Variants in PRSS21 observed in about 807,000 individuals in gnomAD.
PRSS21 encodes the protein testisin.
Under a neutral mutation model 31.1 loss-of-function variants are expected in PRSS21, and 40 were observed. The observed-to-expected ratio is 1.29, with a 90% CI of 1.00 to 1.68. The LOEUF (loss-of-function observed/expected upper bound fraction) is 1.68, where lower values mean the gene tolerates loss of function less well. Among genes scored for constraint, PRSS21 ranks in the 40% most tolerant of loss-of-function variants. The pLI is 0.00. For missense variants in PRSS21, 467 were observed against 412.6 expected, an observed-to-expected ratio of 1.13 and a Z score of -1.14; for synonymous variants, 186 against 167.7, an observed-to-expected ratio of 1.11 and a Z score of -0.84.
In PRSS21 at chr16:2,817,272, G is replaced by GGC. The variant is rs1019458596; in HGVS notation, c.12_13dup (p.Gly5AlafsTer66). ...TCAGGCCGCGGGAGAGGAGGCCATGGGCGCGCGCGGGGCGCTGCTGCTGGC... is the reference window on the plus strand; with the variant it reads ...TCAGGCCGCGGGAGAGGAGGCCATGGGCGCGCGCGCGGGGCGCTGCTGCTGGC... On this transcript the variant is annotated frameshift_variant, in exon 1 of 6. Transcript: ENST00000005995. LOFTEE classifies it high-confidence loss of function. This position sits in a 1 kb window ranked among gnomAD's most constrained non-coding sequence, Gnocchi z 4.2. 7.8e-6 allele frequency: 12 copies of GGC among 1,533,286 alleles called. No individual in the cohort carries two copies. The African/African-American group carries it at 1.2e-4, about 16-fold the overall frequency. 95.0% of individuals were successfully genotyped at this position (1,533,286 alleles called of 1,614,324 possible).
At chr16:2,818,301 G>A (rs909024990) in intron 3 of PRSS21, among the ~76,000 whole-genome samples, 2 of 152,268 alleles carry the variant, frequency 1.3e-5, no homozygotes, top group East Asian at 1.9e-4. Flanking sequence ...TGGACGGTGC[G>A]GTACAGTGTG....
rs1282912313 is a variant in PRSS21, at chr16:2,820,955, C to T, written c.551C>T (p.Ala184Val). 1 of 1,613,308 alleles carries T rather than the reference C, an allele frequency of 6.2e-7. No individual in the cohort carries two copies. The highest frequency in any genetic ancestry group is 1.7e-5 in the Admixed American group (1 of 60,020). ...CTCCTTCCCACTATCGTCCGCACAG[C>T]ACTGCCATCTCCCCACACCCTCCAG... Reference protein sequence around the residue: ...TGWGYIKEDEALPSPHTLQEV... With the variant: ...TGWGYIKEDEVLPSPHTLQEV... Residue 184 changes from alanine to valine, a missense_variant and splice_region_variant, in exon 5 of 6, where the codon GCA becomes GTA. Transcript: ENST00000005995.
In PRSS21 at chr16:2,821,421, G is replaced by A; in HGVS notation, c.761G>A (p.Gly254Glu). The change falls in exon 6 of 6, where the codon GGA (glycine) becomes GAA (glutamate). Residue 254 changes from glycine (G) to glutamate (E), a missense_variant. Physicochemically the swap from Gly to Glu is moderately conservative, Grantham distance 98. Transcript: ENST00000005995. Reference protein sequence around the residue: ...CNKNGLWYQIGVVSWGVGCGR... With the variant: ...CNKNGLWYQIEVVSWGVGCGR... The stretch of plus-strand genomic sequence containing the variant: ...AAGAATGGACTGTGGTATCAGATTG[G>A]AGTCGTGAGCTGGGGAGTGGGCTGT... 5 of 1,614,232 alleles carry A rather than the reference G, an allele frequency of 3.1e-6. No individual in the cohort carries two copies. The highest frequency in any genetic ancestry group is 4.2e-6 in the Non-Finnish European group (5 of 1,180,026).
At position 2,817,256 on chromosome 16, in the gene PRSS21, G is replaced by A. The variant is rs1355141521; in HGVS notation, c.-13G>A. 5 of 1,516,376 alleles carry A rather than the reference G, an allele frequency of 3.3e-6. No homozygotes were observed. The highest frequency in any genetic ancestry group is 2.6e-5 in the East Asian group (1 of 38,764). The allele number at this position is 1,516,376 out of a possible 1,614,324, so 93.9% of individuals were successfully genotyped here. ...GGAGGCAGAGGGGGCGTCAGGCCGC[G>A]GGAGAGGAGGCCATGGGCGCGCGCG... is the stretch of plus-strand genomic sequence containing the variant. On this transcript the variant is annotated 5_prime_UTR_variant, in exon 1 of 6. Coordinates refer to ENST00000005995, the MANE Select transcript of PRSS21 (RefSeq NM_006799.4). This position sits in a 1 kb window ranked among gnomAD's most constrained non-coding sequence, Gnocchi z 4.2.
At chr16:2,819,020 TC>T in intron 4 of PRSS21, 51 bp downstream of exon 4, 1 of 1,592,162 alleles carries the variant, frequency 6.3e-7, no homozygotes. Flanking sequence ...GTTCACCTGT[TC>T]CCCTGCATAG....
chr16:2,821,005 A>C lies in PRSS21; in HGVS notation c.601A>C (p.Asn201His). 1 of 1,614,068 alleles carries C rather than the reference A, an allele frequency of 6.2e-7. No individual in the cohort carries two copies. Among genetic ancestry groups the C allele is most frequent in the Non-Finnish European group, 8.5e-7 (1 of 1,179,984 alleles). ...GGAAGTTCAGGTCGCCATCATAAACAACTCTATGTGCAACCACCTCTTCCT... is the reference window on the plus strand; with the variant it reads ...GGAAGTTCAGGTCGCCATCATAAACCACTCTATGTGCAACCACCTCTTCCT... ...LQEVQVAIIN[N>H]SMCNHLFLKY... The change falls in exon 5 of 6, where the codon AAC becomes CAC. Residue 201 changes from asparagine (N) to histidine (H), a missense_variant. Transcript: ENST00000005995.
rs759184007 is a variant in PRSS21, at chr16:2,818,718, T to G, written c.299T>G (p.Phe100Cys). The change falls in exon 4 of 6, where the codon TTT (phenylalanine) becomes TGT (cysteine). Residue 100 changes from phenylalanine to cysteine, a missense_variant. Phe to Cys is a radical substitution (Grantham distance 205). Coordinates refer to ENST00000005995, the MANE Select transcript of PRSS21 (RefSeq NM_006799.4). The part of the protein sequence containing the change: ...LSDPSGWMVQ[F>C]GQLTSMPSFW... ...GATCCCTCCGGGTGGATGGTCCAGTTTGGCCAGCTGACTTCCATGCCATCC... is the reference window on the plus strand; with the variant it reads ...GATCCCTCCGGGTGGATGGTCCAGTGTGGCCAGCTGACTTCCATGCCATCC... 6.2e-7 allele frequency: 1 copy of G among 1,614,210 alleles called. No homozygotes were observed. The highest frequency in any genetic ancestry group is 1.7e-5 in the Admixed American group (1 of 60,026).
In PRSS21 at chr16:2,817,721, C is replaced by T; in HGVS notation, c.92-80C>T. On this transcript the variant is annotated intron_variant, in intron 2 of 5. Transcript: ENST00000005995. The surrounding 1 kb of genome is among the most constrained non-coding windows in gnomAD (Gnocchi z 4.2). Reference sequence around the variant, plus strand: ...GTGGGCAAAAACGTGCTTTCCCGGACGGGGTTGAAGGGGAGAAAGGGAGAG... The same window carrying T: ...GTGGGCAAAAACGTGCTTTCCCGGATGGGGTTGAAGGGGAGAAAGGGAGAG... 12 of 1,497,092 alleles carry T rather than the reference C, an allele frequency of 8.0e-6. No individual in the cohort carries two copies. Among genetic ancestry groups the T allele is most frequent in the African/African-American group, 1.4e-5 (1 of 72,320 alleles). 92.7% of individuals were successfully genotyped at this position (1,497,092 alleles called of 1,614,324 possible). A position where few individuals can be genotyped will look rare whatever the true frequency, so the allele number is the denominator to read the frequency against.
Position 2,821,684 on chromosome 16 carries a change from C to G in PRSS21, c.*79C>G. ...CTTCTGTCTTGTTTGGTAATAAACA[C>G]ATTCCAGTTGATGCCTTGCAGGGCA... On this transcript the variant is annotated 3_prime_UTR_variant, in exon 6 of 6. Coordinates refer to ENST00000005995, the MANE Select transcript of PRSS21 (RefSeq NM_006799.4). The G allele has an allele frequency of 2.0e-6, 3 of 1,510,654 alleles. No homozygotes were observed. The highest frequency in any genetic ancestry group is 2.7e-6 in the Non-Finnish European group (3 of 1,115,812). The allele number at this position is 1,510,654 out of a possible 1,614,324, so 93.6% of individuals were successfully genotyped here.
chr16:2,819,066 G>C, intron 4 of PRSS21, 97 bp downstream of exon 4: 1 of 1,374,880 alleles, frequency 7.3e-7, no homozygotes, highest in African/African-American at 1.4e-5. Context: ...GGGGGTGCAG[G>C]CTATGCCCCT....
At position 2,818,661 on chromosome 16, in the gene PRSS21, T is replaced by C; in HGVS notation, c.258-16T>C. 6.2e-7 allele frequency: 1 copy of C among 1,611,476 alleles called. No homozygotes were observed. Reference sequence around the variant, plus strand: ...CTCCATCCAGGGCCCCTGACTGCTCTCTTCTCTTCTGCCAGCTATAGTGAC... The same window carrying C: ...CTCCATCCAGGGCCCCTGACTGCTCCCTTCTCTTCTGCCAGCTATAGTGAC... On this transcript the variant is annotated splice_polypyrimidine_tract_variant and intron_variant, in intron 3 of 5. Coordinates refer to ENST00000005995, the MANE Select transcript of PRSS21 (RefSeq NM_006799.4).
Position 2,817,361 on chromosome 16 carries a change from G to C in PRSS21, c.64+29G>C. 1 of 1,570,908 alleles carries C rather than the reference G, an allele frequency of 6.4e-7. No homozygotes were observed. Among genetic ancestry groups the C allele is most frequent in the South Asian group, 1.1e-5 (1 of 87,998 alleles). ...AGCTCGGGGCGCTGCTGGCGGGATG[G>C]GGAGGCGGGGGAGCGGTGGGGAGGA... On this transcript the variant is annotated intron_variant, in intron 1 of 5. Transcript: ENST00000005995. The surrounding 1 kb of genome is among the most constrained non-coding windows in gnomAD (Gnocchi z 4.2).
At position 2,817,734 on chromosome 16, in the gene PRSS21, G is replaced by C; in HGVS notation, c.92-67G>C. On this transcript the variant is annotated intron_variant, in intron 2 of 5. Transcript: ENST00000005995. This position sits in a 1 kb window ranked among gnomAD's most constrained non-coding sequence, Gnocchi z 4.2. ...TGCTTTCCCGGACGGGGTTGAAGGG[G>C]AGAAAGGGAGAGGTCGGGCTTGGGG... The C allele has an allele frequency of 2.6e-6, 4 of 1,520,384 alleles. No individual in the cohort carries two copies. Among genetic ancestry groups the C allele is most frequent in the Non-Finnish European group, 3.5e-6 (4 of 1,131,320 alleles). 94.2% of individuals were successfully genotyped at this position (1,520,384 alleles called of 1,614,324 possible). A position where few individuals can be genotyped will look rare whatever the true frequency, so the allele number is the denominator to read the frequency against.
chr16:2,819,367 C>T (rs2069134258), intron 4 of PRSS21, among the ~76,000 whole-genome samples: 1 of 152,220 alleles, frequency 6.6e-6, no homozygotes, highest in Non-Finnish European at 1.5e-5. Context: ...GGCCGATTCT[C>T]CTGCAGCACT....
At chr16:2,818,448 G>A (rs562165393) in intron 3 of PRSS21, among the ~76,000 whole-genome samples, 1 of 152,150 alleles carries the variant, frequency 6.6e-6, no homozygotes, top group Non-Finnish European at 1.5e-5. Context: ...TCAATGCAAG[G>A]CTCCTTGGGA....
Position 2,817,512 on chromosome 16 carries a change from G to A in PRSS21, c.91+56G>A. ...AGGGCCGTTGGGCCGAGGTGGACGGGGGGCGGTGAGGGGGTAGAGGGGGGC... is the reference window on the plus strand; with the variant it reads ...AGGGCCGTTGGGCCGAGGTGGACGGAGGGCGGTGAGGGGGTAGAGGGGGGC... On this transcript the variant is annotated intron_variant, in intron 2 of 5. Transcript: ENST00000005995. This position sits in a 1 kb window ranked among gnomAD's most constrained non-coding sequence, Gnocchi z 4.2. 2.9e-6 allele frequency: 4 copies of A among 1,364,380 alleles called. 1 individual carries two copies. The highest frequency in any genetic ancestry group is 3.9e-6 in the Non-Finnish European group (4 of 1,019,466). The allele number at this position is 1,364,380 out of a possible 1,614,324, so 84.5% of individuals were successfully genotyped here.
At position 2,817,995 on chromosome 16, in the gene PRSS21, G is replaced by C; in HGVS notation, c.257+29G>C. 3.9e-6 allele frequency: 6 copies of C among 1,536,948 alleles called. No homozygotes were observed. The highest frequency in any genetic ancestry group is 4.4e-6 in the Non-Finnish European group (5 of 1,140,952). On this transcript the variant is annotated intron_variant, in intron 3 of 5. Transcript: ENST00000005995. The surrounding 1 kb of genome is among the most constrained non-coding windows in gnomAD (Gnocchi z 4.2). ...AGTGGGGGTGCGAACGGAGGGGTGCGGGGACGGGCAGGAACAGGGCTGGAG... is the reference window on the plus strand; with the variant it reads ...AGTGGGGGTGCGAACGGAGGGGTGCCGGGACGGGCAGGAACAGGGCTGGAG...
At chr16:2,818,091 T>G in intron 3 of PRSS21, 125 bp downstream of exon 3, 1 of 1,241,136 alleles carries the variant, frequency 8.1e-7, no homozygotes, top group Non-Finnish European at 1.1e-6. Context: ...GGATGCGGCC[T>G]GGTGTTCTCC....
In PRSS21 at chr16:2,817,553, G is replaced by T; in HGVS notation, c.91+97G>T. The T allele has an allele frequency of 1.4e-6, 2 of 1,420,940 alleles. No individual in the cohort carries two copies. The highest frequency in any genetic ancestry group is 1.9e-6 in the Non-Finnish European group (2 of 1,071,332). The allele number at this position is 1,420,940 out of a possible 1,614,324, so 88.0% of individuals were successfully genotyped here. A position where few individuals can be genotyped will look rare whatever the true frequency, so the allele number is the denominator to read the frequency against. ...AGAGGGGGGCCTTTACTGCTCTCTC[G>T]CCCCCGCCCCCGGGATCGAGAACTC... On this transcript the variant is annotated intron_variant, in intron 2 of 5. Coordinates refer to ENST00000005995, the MANE Select transcript of PRSS21 (RefSeq NM_006799.4). This position sits in a 1 kb window ranked among gnomAD's most constrained non-coding sequence, Gnocchi z 4.2.
Sources: gnomAD v4.1 joint callset for allele counts (sites outside exome capture counted in the v4.1 genomes callset) on GRCh38, gnomAD v4.1.1 for gene constraint, Gnocchi (gnomAD v3.1) non-coding constraint, MANE v1.5 for transcripts, NCBI Gene and HGNC (gene_info 2026-07-23, HGNC 2026-07-21) for gene names.